The following SH3TC2 variants were observed in gnomAD, a reference collection of about 807,000 sequenced individuals.
SH3TC2 encodes SH3 domain and tetratricopeptide repeats 2, also known as SH3 domain and tetratricopeptide repeat-containing protein 2.
SH3TC2 carries 87 observed loss-of-function variants against 124.5 expected under a neutral mutation model. The observed-to-expected ratio is 0.70, with a 90% CI of 0.59 to 0.84. The LOEUF (loss-of-function observed/expected upper bound fraction) is 0.84, where lower values mean the gene tolerates loss of function less well. Among genes scored for constraint, SH3TC2 ranks in the 40% least tolerant of loss-of-function variants. SH3TC2 has a pLI of 0.00. For synonymous variants in SH3TC2, 634 were observed against 628.5 expected (o/e 1.01, Z -0.13); for missense variants, 1,536 against 1,566.4 (o/e 0.98, Z 0.33).
intron 12 of SH3TC2, among the ~76,000 whole-genome samples, chr5:149,024,019 T>C (rs949986003): frequency 6.6e-6 from 1 of 152,104 alleles, no homozygotes; most frequent in East Asian, 1.9e-4. Flanking sequence ...GCTAATACTA[T>C]ATAGGCCAGT....
chr5:149,030,836 T>C (rs1754179589), intron 9 of SH3TC2, among the ~76,000 whole-genome samples: 1 of 152,222 alleles, frequency 6.6e-6, no homozygotes, highest in Non-Finnish European at 1.5e-5. Flanking sequence ...ACAAAAATTC[T>C]TCCTCAAGTC....
At chr5:149,058,746 C>T (rs575995958) in intron 1 of SH3TC2, among the ~76,000 whole-genome samples, 9 of 151,852 alleles carry the variant, frequency 5.9e-5, no homozygotes, top group Non-Finnish European at 1.0e-4. Context: ...AGTTGTGGGA[C>T]TAAAATGGAT....
chr5:149,017,405 C>T (rs1035162179), intron 12 of SH3TC2, among the ~76,000 whole-genome samples: 1 of 152,080 alleles, frequency 6.6e-6, no homozygotes, highest in Non-Finnish European at 1.5e-5. Context: ...TAGTTGTCCC[C>T]TGGAAGGCAG....
At chr5:149,005,361 G>A (rs2127391541) in intron 16 of SH3TC2, among the ~76,000 whole-genome samples, 1 of 152,306 alleles carries the variant, frequency 6.6e-6, no homozygotes, top group East Asian at 1.9e-4. Flanking sequence ...GAAACATACA[G>A]AGTCAAGGAA....
chr5:149,049,513 T>C (rs75085812), intron 2 of SH3TC2, among the ~76,000 whole-genome samples: 1 of 152,274 alleles, frequency 6.6e-6, no homozygotes, highest in African/African-American at 2.4e-5. Context: ...ATGCCTGTAA[T>C]CCTAGCGGTT....
intron 7 of SH3TC2, 135 bp from the exon 8 acceptor site, chr5:149,038,625 C>A (rs1012457581): frequency 2.1e-6 from 2 of 931,488 alleles, no homozygotes; most frequent in African/African-American, 3.3e-5. Context: ...ACTCCCCTCC[C>A]CACCCAAAAA....
At chr5:149,006,492 T>C (rs1753690898) in intron 16 of SH3TC2, among the ~76,000 whole-genome samples, 2 of 152,212 alleles carry the variant, frequency 1.3e-5, no homozygotes, top group Admixed American at 1.3e-4. Context: ...AACTCTTAAG[T>C]ATTCATTTTG....
rs749963147 is a variant in SH3TC2 at position 149,027,931 on chromosome 5, A to AGGCC, written c.1797_1800dup (p.Cys601GlyfsTer5). Reference sequence around the variant, plus strand: ...GCACTAGACTCACGGTCAGGCAGGCAGGCCAGCAGGGCACCTGCCTTTTCC... The same window carrying AGGCC: ...GCACTAGACTCACGGTCAGGCAGGCAGGCCGGCCAGCAGGGCACCTGCCTTTTCC... On this transcript the variant is annotated frameshift_variant, in exon 11 of 17. Transcript: ENST00000515425. LOFTEE classifies it high-confidence loss of function. The AGGCC allele has an allele frequency of 9.3e-6, 15 of 1,614,130 alleles. No homozygotes were observed. The highest frequency in any genetic ancestry group is 1.3e-5 in the Non-Finnish European group (15 of 1,180,044).
intron 12 of SH3TC2, among the ~76,000 whole-genome samples, chr5:149,019,821 C>A (rs1328129524): frequency 6.6e-6 from 1 of 152,120 alleles, no homozygotes; most frequent in African/African-American, 2.4e-5. Context: ...AACCAACAGC[C>A]TCACAATAAT....
rs1034139567 is a variant in SH3TC2 at position 148,991,528 on chromosome 5, T to A, written c.*13183A>T. 6.6e-6 allele frequency among the ~76,000 whole-genome samples: 1 copy of A among 152,228 alleles called. No homozygotes were observed. The highest frequency in any genetic ancestry group is 2.4e-5 in the African/African-American group (1 of 41,472). Reference sequence around the variant, plus strand: ...ACCTTAGCTTTTGCTTTCTGTCAGATAATACAGTGGTTATATCTGAAGGGT... The same window carrying A: ...ACCTTAGCTTTTGCTTTCTGTCAGAAAATACAGTGGTTATATCTGAAGGGT... On this transcript the variant is annotated 3_prime_UTR_variant, in exon 17 of 17. Coordinates refer to ENST00000515425, the MANE Select transcript of SH3TC2 (RefSeq NM_024577.4).
At chr5:149,044,844 T>C (rs942410416) in intron 3 of SH3TC2, 3 of 532,694 alleles carry the variant, frequency 5.6e-6, no homozygotes, top group African/African-American at 3.8e-5. Flanking sequence ...TATTGTATTA[T>C]GCAGCCACAG....
In SH3TC2 at chr5:148,990,578, T is replaced by C. The variant is rs1476519832; in HGVS notation, c.*14133A>G. ...TTCTGCCCCTGCTACTCACAAGCTA[T>C]TGGACCTCAAACAAGTTACTGAACT... On this transcript the variant is annotated 3_prime_UTR_variant, in exon 17 of 17. Coordinates refer to ENST00000515425, the MANE Select transcript of SH3TC2 (RefSeq NM_024577.4). 2.6e-5 allele frequency among the ~76,000 whole-genome samples: 4 copies of C among 152,318 alleles called. No homozygotes were observed. In the South Asian group the frequency reaches 8.3e-4, roughly 32 times the overall value.
chr5:149,052,160 G>T lies in SH3TC2; in HGVS notation c.133C>A (p.Pro45Thr). The T allele has an allele frequency of 6.2e-7, 1 of 1,611,328 alleles. No individual in the cohort carries two copies. Among genetic ancestry groups the T allele is most frequent in the East Asian group, 2.2e-5 (1 of 44,840 alleles). ...TGGATACCTGGATTAATGTTCTGTG[G>T]CAGAAAACATTTTTCCTTGTATTCA... ...SSEYKEKCFL[P>T]QNINPDLTLS... is the part of the protein sequence containing the mutation. The change falls in exon 2 of 17, where the codon CCA (proline) becomes ACA (threonine). Residue 45 changes from proline (P) to threonine (T), a missense_variant. Around this residue, in one of 3 missense-constraint regions of SH3TC2, gnomAD observed 1,102 missense variants for 1,098.6 expected, o/e 1.00. Transcript: ENST00000515425.
intron 8 of SH3TC2, among the ~76,000 whole-genome samples, chr5:149,033,853 C>T (rs1317164828): frequency 2.6e-5 from 4 of 152,152 alleles, no homozygotes; most frequent in African/African-American, 7.2e-5. Flanking sequence ...TCATTACTCC[C>T]TAAGGTTCCA....
chr5:149,011,437 C>T (rs1441977492), intron 13 of SH3TC2, among the ~76,000 whole-genome samples: 1 of 152,226 alleles, frequency 6.6e-6, no homozygotes, highest in Non-Finnish European at 1.5e-5. Context: ...GAAACCCTTT[C>T]AGCCCAAAAA....
chr5:149,053,964 G>A (rs867164140), intron 1 of SH3TC2, among the ~76,000 whole-genome samples: 18 of 152,276 alleles, frequency 1.2e-4, no homozygotes, highest in Middle Eastern at 3.4e-3. Context: ...GAATAAATAA[G>A]ATCTAATGTT....
In SH3TC2 at chr5:149,012,694, G is replaced by A. The variant is rs375603885; in HGVS notation, c.3094C>T (p.Arg1032Cys). ...GTCTCCCCCAGGTCAATGAAGATAC[G>A]CAGGCTCTCCTTGATGCATGTGAGT... is the stretch of plus-strand genomic sequence containing the variant. ...RSLTCIKESL[R>C]IFIDLGETDK... Residue 1032 changes from arginine to cysteine, a missense_variant, in exon 13 of 17, where the codon CGT (arginine) becomes TGT (cysteine). Physicochemically the swap from Arg to Cys is radical, Grantham distance 180 (BLOSUM62 -3). Transcript: ENST00000515425. 1.5e-5 allele frequency: 25 copies of A among 1,614,012 alleles called. No individual in the cohort carries two copies. The highest frequency in any genetic ancestry group is 3.3e-5 in the South Asian group (3 of 91,076).
chr5:149,004,866 G>A lies in SH3TC2; in HGVS notation c.3712C>T (p.Leu1238=). Residue 1238 remains leucine (L), a synonymous_variant, in exon 17 of 17, where the codon CTG becomes TTG. Coordinates refer to ENST00000515425, the MANE Select transcript of SH3TC2 (RefSeq NM_024577.4). ...HDATEYFLLA[L]AAAVLLGDEE... ...TCACCCAGCAGGACCGCTGCTGCCAGGGCCAGAAGGAAGTACTCAGTGGCA... is the reference window on the plus strand; with the variant it reads ...TCACCCAGCAGGACCGCTGCTGCCAAGGCCAGAAGGAAGTACTCAGTGGCA... The A allele has an allele frequency of 6.2e-7, 1 of 1,614,194 alleles. No homozygotes were observed.
Position 148,988,726 on chromosome 5 carries a change from C to T in SH3TC2, c.*15985G>A, listed in dbSNP as rs1753375017. ...ATTGGACTGCAACAACAGTAGAGAA[C>T]CCAAGCGAGAATTGCCCGGGTGAGC... On this transcript the variant is annotated 3_prime_UTR_variant, in exon 17 of 17. Coordinates refer to ENST00000515425, the MANE Select transcript of SH3TC2 (RefSeq NM_024577.4). Among the ~76,000 whole-genome samples the T allele has an allele frequency of 6.6e-6, 1 of 152,224 alleles. No homozygotes were observed. The highest frequency in any genetic ancestry group is 1.5e-5 in the Non-Finnish European group (1 of 68,044).
Sources: allele counts gnomAD v4.1 joint callset (sites outside exome capture counted in the v4.1 genomes callset), GRCh38; gene constraint gnomAD v4.1.1; regional missense constraint gnomAD v4.1.1; transcripts MANE v1.5; gene names NCBI Gene and HGNC (gene_info 2026-07-23, HGNC 2026-07-21).